Variants in AKAP6 observed in about 807,000 individuals in gnomAD.
AKAP6 encodes A-kinase anchor protein 6.
Under a neutral mutation model 188.5 loss-of-function variants are expected in AKAP6, and 58 were observed. That is an observed-to-expected ratio of 0.31 (90% CI 0.25 to 0.38). The LOEUF (loss-of-function observed/expected upper bound fraction) is 0.38. Ranked by LOEUF, AKAP6 falls within the 10% of genes least tolerant of loss-of-function variation. The pLI is 1.00. For synonymous variants in AKAP6, 989 were observed against 998.6 expected (o/e 0.99, Z 0.18); for missense variants, 2,710 against 2,740.0 (o/e 0.99, Z 0.24).
At chr14:32,757,131 C>T (rs2032366753) in intron 11 of AKAP6, among the ~76,000 whole-genome samples, 1 of 152,118 alleles carries the variant, frequency 6.6e-6, no homozygotes, top group African/African-American at 2.4e-5. Context: ...GGAGAGACAG[C>T]TATAATGTAA....
At chr14:32,496,455 G>C (rs1434358723) in intron 2 of AKAP6, among the ~76,000 whole-genome samples, 3 of 151,874 alleles carry the variant, frequency 2.0e-5, no homozygotes, top group Non-Finnish European at 2.9e-5. Context: ...AGCCCTTGGG[G>C]GTCCTTAGAA....
intron 7 of AKAP6, among the ~76,000 whole-genome samples, chr14:32,645,303 AT>A (rs1887940914): frequency 6.6e-6 from 1 of 152,152 alleles, no homozygotes; most frequent in African/African-American, 2.4e-5. Flanking sequence ...AACCTCGAAT[AT>A]TTTATGTGAA....
chr14:32,618,185 T>A (rs1332142756), intron 7 of AKAP6, among the ~76,000 whole-genome samples: 1 of 152,210 alleles, frequency 6.6e-6, no homozygotes, highest in African/African-American at 2.4e-5. Context: ...TTTTTACTTT[T>A]TTCTACCATT....
chr14:32,722,940 T>A (rs1324248341), intron 9 of AKAP6, among the ~76,000 whole-genome samples: 2 of 152,112 alleles, frequency 1.3e-5, no homozygotes, highest in East Asian at 3.9e-4. Context: ...TAAAAGAACA[T>A]TGTTTGTAAC....
At chr14:32,350,061 A>T (rs577487945) in intron 1 of AKAP6, among the ~76,000 whole-genome samples, 21 of 152,342 alleles carry the variant, frequency 1.4e-4, no homozygotes, top group African/African-American at 4.6e-4. Flanking sequence ...GATCTTTCTT[A>T]CAGAAACTTC....
intron 4 of AKAP6, among the ~76,000 whole-genome samples, chr14:32,553,373 C>G (rs1594738585): frequency 6.6e-6 from 1 of 152,010 alleles, no homozygotes; most frequent in African/African-American, 2.4e-5. Context: ...GGGGTTTCAT[C>G]ACGTTGGCCA....
chr14:32,676,774 T>C (rs1889444465), intron 7 of AKAP6, among the ~76,000 whole-genome samples: 1 of 152,196 alleles, frequency 6.6e-6, no homozygotes, highest in Admixed American at 6.6e-5. Context: ...AATTAAGTAC[T>C]TATAAAAAGC....
chr14:32,513,103 C>T (rs993504463), intron 2 of AKAP6, among the ~76,000 whole-genome samples: 1 of 152,070 alleles, frequency 6.6e-6, no homozygotes, highest in Non-Finnish European at 1.5e-5. Flanking sequence ...TGGGGTCACT[C>T]CAGGAGGTAA....
intron 7 of AKAP6, among the ~76,000 whole-genome samples, chr14:32,653,737 C>T (rs1043325228): frequency 4.6e-5 from 7 of 152,072 alleles, no homozygotes; most frequent in Admixed American, 3.9e-4. Flanking sequence ...ACAATGAAAT[C>T]GAGAAGTATT....
In AKAP6 at chr14:32,822,035, G is replaced by C. The variant is rs376840822; in HGVS notation, c.4222G>C (p.Val1408Leu). 16 of 1,613,760 alleles carry C rather than the reference G, an allele frequency of 9.9e-6. No individual in the cohort carries two copies. The South Asian group carries it at 1.8e-4, about 18-fold the overall frequency. The stretch of plus-strand genomic sequence containing the variant: ...CCCACAAATGGGAGATGCAGTTAAC[G>C]TGTTAAAGCAAAAATTTACAGATGA... ...LDPQMGDAVN[V>L]LKQKFTDEGE... The change falls in exon 13 of 14, where the codon GTG (valine) becomes CTG (leucine). Residue 1408 changes from valine (V) to leucine (L), a missense_variant. By Grantham distance (32) the Val-to-Leu change is conservative. Around this residue, in one of 2 missense-constraint regions of AKAP6, gnomAD observed 2,473 missense variants for 2,426.1 expected, o/e 1.02. Transcript: ENST00000280979.
intron 12 of AKAP6, among the ~76,000 whole-genome samples, chr14:32,798,371 C>T (rs187874100): frequency 6.6e-6 from 1 of 152,262 alleles, no homozygotes; most frequent in East Asian, 1.9e-4. Context: ...TTTGACCCAG[C>T]AATCCCATTA....
At chr14:32,405,336 TC>T (rs1889251976) in intron 1 of AKAP6, among the ~76,000 whole-genome samples, 1 of 152,028 alleles carries the variant, frequency 6.6e-6, no homozygotes, top group Non-Finnish European at 1.5e-5. Context: ...TAAATACCCC[TC>T]CCCTTGCTTG....
At chr14:32,544,279 A>G (rs185651039) in intron 3 of AKAP6, among the ~76,000 whole-genome samples, 1 of 152,210 alleles carries the variant, frequency 6.6e-6, no homozygotes, top group Non-Finnish European at 1.5e-5. Flanking sequence ...TCAGTCTGTT[A>G]TTTAGCCAGT....
chr14:32,555,686 A>G (rs1362986895), intron 4 of AKAP6, among the ~76,000 whole-genome samples: 1 of 152,142 alleles, frequency 6.6e-6, no homozygotes, highest in Non-Finnish European at 1.5e-5. Context: ...TCTAAGTGGA[A>G]TCATATAGTA....
At chr14:32,775,749 A>G (rs1346932590) in intron 12 of AKAP6, among the ~76,000 whole-genome samples, 1 of 152,116 alleles carries the variant, frequency 6.6e-6, no homozygotes, top group Non-Finnish European at 1.5e-5. Flanking sequence ...CTTCTATGGT[A>G]AAGGCAAGCT....
chr14:32,334,789 G>A (rs1886637923), intron 1 of AKAP6, among the ~76,000 whole-genome samples: 1 of 152,066 alleles, frequency 6.6e-6, no homozygotes, highest in Non-Finnish European at 1.5e-5. Context: ...TTTAAGATTT[G>A]GTGAAGATAA....
intron 2 of AKAP6, among the ~76,000 whole-genome samples, chr14:32,448,193 C>CT (rs1452166837): frequency 6.6e-6 from 1 of 152,200 alleles, no homozygotes; most frequent in Non-Finnish European, 1.5e-5. Context: ...CAATGCCTCC[C>CT]TTTCCTGGGT....
At chr14:32,480,346 G>A (rs914594647) in intron 2 of AKAP6, among the ~76,000 whole-genome samples, 6 of 152,092 alleles carry the variant, frequency 3.9e-5, no homozygotes. Flanking sequence ...CTCTAATGTG[G>A]GATCTTGCAT....
Position 32,550,539 on chromosome 14 carries a change from T to C in AKAP6, c.2346+3540T>C, listed in dbSNP as rs371894768. 2.3e-4 allele frequency among the ~76,000 whole-genome samples: 35 copies of C among 152,326 alleles called. No homozygotes were observed. In the East Asian group the frequency reaches 5.2e-3, roughly 23 times the overall value. ...TGGCTACATATAATTTGTATATGAC[T>C]TTATGATATGCAGCGCTCTCCCGCA... On this transcript the variant is annotated intron_variant, in intron 4 of 13. Transcript: ENST00000280979.
Sources: gnomAD v4.1 joint callset for allele counts (sites outside exome capture counted in the v4.1 genomes callset) on GRCh38, gnomAD v4.1.1 for gene constraint, gnomAD v4.1.1 regional missense constraint, MANE v1.5 for transcripts, NCBI Gene and HGNC (gene_info 2026-07-23, HGNC 2026-07-21) for gene names.